LPP: variants seen among roughly 807,000 people sequenced by gnomAD.
The protein encoded by LPP is lipoma-preferred partner.
Under a neutral mutation model 60.4 loss-of-function variants are expected in LPP, and 38 were observed. That is an observed-to-expected ratio of 0.63 (90% CI 0.49 to 0.83). The LOEUF (loss-of-function observed/expected upper bound fraction) is 0.83. Ranked by LOEUF, LPP falls within the 40% of genes least tolerant of loss-of-function variation. LPP has a pLI of 0.00. For synonymous variants in LPP, 328 were observed against 290.8 expected (o/e 1.13, Z -1.30); for missense variants, 902 against 783.6 (o/e 1.15, Z -1.80).
intron 2 of LPP, among the ~76,000 whole-genome samples, chr3:188,294,056 CAAAAAAAAAAAAA>C (rs61312510): frequency 1.1e-3 from 44 of 39,424 alleles, no homozygotes; most frequent in African/African-American, 2.9e-3. Context: ...CAAACTCTGT[CAAAAAAAAAAAAA>C]AAAAAAAAAA....
At chr3:188,345,236 A>C (rs1431689251) in intron 3 of LPP, among the ~76,000 whole-genome samples, 1 of 152,196 alleles carries the variant, frequency 6.6e-6, no homozygotes, top group East Asian at 1.9e-4. Flanking sequence ...TTTCATTTTC[A>C]GCATGGGGAT....
chr3:188,293,962 A>G (rs953131467), intron 2 of LPP, among the ~76,000 whole-genome samples: 3 of 142,276 alleles, frequency 2.1e-5, no homozygotes, highest in African/African-American at 5.1e-5. Flanking sequence ...GCTACTCAGG[A>G]TGGTGAGGCA....
chr3:188,890,504 C>G lies in LPP; in HGVS notation c.*16025C>G, dbSNP rs886421231. The G allele has an allele frequency of 2.7e-5, 5 of 187,506 alleles. No individual in the cohort carries two copies. Among genetic ancestry groups the G allele is most frequent in the African/African-American group, 1.2e-4 (5 of 42,790 alleles). The allele number at this position is 187,506 out of a possible 1,614,324, so 11.6% of individuals were successfully genotyped here. On this transcript the variant is annotated 3_prime_UTR_variant, in exon 12 of 12. Transcript: ENST00000617246. ...TCTTTTGTGTTTATGCATTATCTGA[C>G]TATATTAAAACCTGTTTTTCTATTT...
At chr3:188,388,035 T>C (rs2148647110) in intron 3 of LPP, among the ~76,000 whole-genome samples, 1 of 152,282 alleles carries the variant, frequency 6.6e-6, no homozygotes, top group Non-Finnish European at 1.5e-5. Context: ...TGGTTATTTG[T>C]AAATTTAGAT....
chr3:188,651,304 G>T (rs1176117368), intron 7 of LPP, among the ~76,000 whole-genome samples: 2 of 152,206 alleles, frequency 1.3e-5, no homozygotes, highest in African/African-American at 4.8e-5. Context: ...TGTAACTCAT[G>T]CTGTATATGA....
chr3:188,503,578 C>T (rs1412266055), intron 5 of LPP, among the ~76,000 whole-genome samples: 11 of 150,204 alleles, frequency 7.3e-5, no homozygotes, highest in Admixed American at 2.6e-4. Flanking sequence ...TCTCAACCTG[C>T]AGGCTTCCTG....
At chr3:188,772,253 GC>G (rs1473795053) in intron 9 of LPP, among the ~76,000 whole-genome samples, 3 of 152,096 alleles carry the variant, frequency 2.0e-5, no homozygotes, top group Non-Finnish European at 4.4e-5. Context: ...CTATTCCCAT[GC>G]CATTGGTTGC....
At chr3:188,860,904 C>T (rs1001611684) in intron 9 of LPP, among the ~76,000 whole-genome samples, 1 of 152,062 alleles carries the variant, frequency 6.6e-6, no homozygotes, top group Admixed American at 6.6e-5. Context: ...GTGTGTCTAC[C>T]GATATACAGA....
intron 7 of LPP, among the ~76,000 whole-genome samples, chr3:188,690,251 C>T (rs145793448): frequency 1.3e-5 from 2 of 152,224 alleles, no homozygotes; most frequent in East Asian, 3.9e-4. Context: ...CCTCTGGCTC[C>T]CGAGTCCAGT....
At chr3:188,441,609 C>CTTTCTTTTTTTTTTTTTT (rs1793886236) in intron 4 of LPP, among the ~76,000 whole-genome samples, 8 of 55,670 alleles carry the variant, frequency 1.4e-4, no homozygotes, top group Admixed American at 3.9e-4. Context: ...CTTTTCTTTT[C>CTTTCTTTTTTTTTTTTTT]TTTTTTTTTT....
At chr3:188,271,804 T>C (rs1280617905) in intron 2 of LPP, among the ~76,000 whole-genome samples, 1 of 152,204 alleles carries the variant, frequency 6.6e-6, no homozygotes, top group Non-Finnish European at 1.5e-5. Context: ...GAAGTTTCCA[T>C]TGGGTCTTAG....
intron 7 of LPP, among the ~76,000 whole-genome samples, chr3:188,681,779 A>C (rs1380583334): frequency 2.6e-5 from 4 of 152,256 alleles, no homozygotes; most frequent in African/African-American, 9.6e-5. Context: ...CTATATACAA[A>C]ATTCTTTCAC....
chr3:188,581,410 T>A (rs2150983778), intron 6 of LPP, among the ~76,000 whole-genome samples: 1 of 152,320 alleles, frequency 6.6e-6, no homozygotes, highest in African/African-American at 2.4e-5. Context: ...GTATTAGTTT[T>A]AAATACAGAG....
chr3:188,710,867 TCTACTA>T (rs1866493257), intron 8 of LPP: 1 of 152,236 alleles, frequency 6.6e-6, no homozygotes, highest in Admixed American at 6.5e-5. Context: ...CTGTCCAAGC[TCTACTA>T]CTTAGTAGCT....
chr3:188,737,165 G>C (rs1245482452), intron 8 of LPP, among the ~76,000 whole-genome samples: 1 of 152,030 alleles, frequency 6.6e-6, no homozygotes, highest in East Asian at 1.9e-4. Flanking sequence ...ATTTTCATAA[G>C]TATAAAAGAC....
chr3:188,544,364 A>G (rs961522253), intron 6 of LPP, among the ~76,000 whole-genome samples: 1 of 152,238 alleles, frequency 6.6e-6, no homozygotes, highest in Admixed American at 6.5e-5. Flanking sequence ...AGTTTATAAC[A>G]TGAAGCTATC....
intron 3 of LPP, among the ~76,000 whole-genome samples, chr3:188,395,918 T>G (rs1240232882): frequency 3.8e-5 from 1 of 26,026 alleles, no homozygotes; most frequent in Non-Finnish European, 7.0e-5. Context: ...TGTCTCTAAA[T>G]AATAATAATG....
chr3:188,487,791 C>A (rs1807025235), intron 5 of LPP, among the ~76,000 whole-genome samples: 2 of 152,172 alleles, frequency 1.3e-5, no homozygotes, highest in South Asian at 4.1e-4. Context: ...ATGGTTAAAA[C>A]CTCATGTTCC....
In LPP at chr3:188,872,650, G is replaced by A. The variant is rs1397912553; in HGVS notation, c.1597G>A (p.Ala533Thr). 2 of 1,613,890 alleles carry A rather than the reference G, an allele frequency of 1.2e-6. No individual in the cohort carries two copies. The highest frequency in any genetic ancestry group is 1.7e-6 in the Non-Finnish European group (2 of 1,179,980). Residue 533 changes from alanine to threonine, a missense_variant, in exon 11 of 12, where the codon GCC becomes ACC. Ala to Thr is a moderately conservative substitution (Grantham distance 58). Coordinates refer to ENST00000617246, the MANE Select transcript of LPP (RefSeq NM_001375462.1). The stretch of plus-strand genomic sequence containing the variant: ...CTCTCTCTTCACTTTCAGGAAATTT[G>A]CCCCGCGATGTTCTGTGTGCAAGGA... ...HCIEDFHKKFAPRCSVCKEPI... is the reference protein window; with the variant it reads ...HCIEDFHKKFTPRCSVCKEPI...
Sources: gnomAD v4.1 joint callset for allele counts (sites outside exome capture counted in the v4.1 genomes callset) on GRCh38, gnomAD v4.1.1 for gene constraint, MANE v1.5 for transcripts, NCBI Gene and HGNC (gene_info 2026-07-23, HGNC 2026-07-21) for gene names.